The following RP1 variants were observed in gnomAD, a reference collection of about 807,000 sequenced individuals.
RP1 encodes the protein oxygen-regulated protein 1.
A neutral mutation model predicts 14.8 loss-of-function variants in RP1; 16 were observed. The observed-to-expected ratio is 1.08, with a 90% CI of 0.73 to 1.65. The LOEUF (loss-of-function observed/expected upper bound fraction) is 1.65, where lower values mean the gene tolerates loss of function less well. Among genes scored for constraint, RP1 ranks in the 40% most tolerant of loss-of-function variants. The pLI, the probability that RP1 is intolerant of heterozygous loss-of-function variation, is 0.00. For missense variants in RP1, 2,631 were observed against 2,535.0 expected (o/e 1.04, Z -0.81); for synonymous variants, 876 against 883.6 (o/e 0.99, Z 0.15).
chr8:54,603,635 G>T (rs1356341228), intron 1 of RP1, among the ~76,000 whole-genome samples: 3 of 152,126 alleles, frequency 2.0e-5, no homozygotes, highest in South Asian at 2.1e-4. Flanking sequence ...GAGCAGTGTG[G>T]CCATTTTCAC....
chr8:54,724,807 A>C (rs1234271831), intron 16 of RP1, among the ~76,000 whole-genome samples: 2 of 152,194 alleles, frequency 1.3e-5, no homozygotes, highest in Admixed American at 6.5e-5. Flanking sequence ...ACTGTGTTGT[A>C]TAAAGAGATA....
chr8:54,744,568 T>A (rs1010044666), intron 19 of RP1, among the ~76,000 whole-genome samples: 2 of 152,206 alleles, frequency 1.3e-5, no homozygotes, highest in African/African-American at 4.8e-5. Flanking sequence ...TAGAGTCACT[T>A]GATAAATACA....
At position 54,630,778 on chromosome 8, in the gene RP1, T is replaced by TA. The variant is rs1174978477; in HGVS notation, c.*426dup. 7.9e-5 allele frequency: 79 copies of TA among 1,002,870 alleles called. No individual in the cohort carries two copies. The highest frequency in any genetic ancestry group is 9.3e-5 in the Non-Finnish European group (78 of 840,384). The allele number at this position is 1,002,870 out of a possible 1,614,324, so 62.1% of individuals were successfully genotyped here. A position where few individuals can be genotyped will look rare whatever the true frequency, so the allele number is the denominator to read the frequency against. ...AAGTACTTCACTTATTCTTTTTAAC[T>TA]ACTGATTTGATAAAAAGTATGATTA... On this transcript the variant is annotated 3_prime_UTR_variant, in exon 4 of 4. Coordinates refer to ENST00000220676, the MANE Select transcript of RP1 (RefSeq NM_006269.2).
intron 1 of RP1, among the ~76,000 whole-genome samples, chr8:54,585,290 A>G (rs1289011843): frequency 1.3e-5 from 2 of 152,208 alleles, no homozygotes; most frequent in Admixed American, 1.3e-4. Context: ...TTCTGGGTTG[A>G]AAATTCTTTT....
intron 24 of RP1, among the ~76,000 whole-genome samples, chr8:54,784,148 G>A (rs189091151): frequency 6.6e-5 from 10 of 152,176 alleles, no homozygotes; most frequent in Admixed American, 3.3e-4. Flanking sequence ...TGGGCGAAAC[G>A]GTCAAATGGT....
intron 24 of RP1, among the ~76,000 whole-genome samples, chr8:54,800,220 C>G (rs1244149087): frequency 1.3e-5 from 2 of 151,848 alleles, no homozygotes; most frequent in Non-Finnish European, 2.9e-5. Context: ...TCTTATCCTT[C>G]CCTCTATTTA....
chr8:54,852,905 G>A (rs537878346), intron 26 of RP1, among the ~76,000 whole-genome samples: 15 of 152,236 alleles, frequency 9.9e-5, no homozygotes, highest in African/African-American at 2.9e-4. Flanking sequence ...GTAGAGGATG[G>A]GACTTAACTC....
intron 1 of RP1, among the ~76,000 whole-genome samples, chr8:54,618,859 C>T (rs2129313283): frequency 6.6e-6 from 1 of 152,308 alleles, no homozygotes; most frequent in East Asian, 1.9e-4. Flanking sequence ...TGAGATTTCA[C>T]CATGTTGGCC....
chr8:54,741,705 G>GTATATA (rs1473570105), intron 19 of RP1, among the ~76,000 whole-genome samples: 42 of 75,880 alleles, frequency 5.5e-4, no homozygotes, highest in African/African-American at 1.8e-3. Flanking sequence ...ACAAATGTGT[G>GTATATA]TGTATATATA....
At chr8:54,640,287 T>G (rs28437942) in intron 3 of RP1, among the ~76,000 whole-genome samples, 12,327 of 152,124 alleles carry the variant, frequency 0.081, 1,591 homozygotes, top group African/African-American at 0.27. Context: ...TGTGTAGGGG[T>G]GCATTTCTGC....
intron 21 of RP1, among the ~76,000 whole-genome samples, chr8:54,758,192 C>T (rs1809555669): frequency 6.6e-6 from 1 of 152,126 alleles, no homozygotes; most frequent in East Asian, 1.9e-4. Flanking sequence ...ATGATCCTTT[C>T]CTCAGATAAC....
intron 1 of RP1, among the ~76,000 whole-genome samples, chr8:54,564,542 G>A (rs1586385453): frequency 6.6e-6 from 1 of 152,316 alleles, no homozygotes; most frequent in East Asian, 1.9e-4. Flanking sequence ...CTTGGTGATT[G>A]TTTCAGTCCC....
At chr8:54,720,591 C>T (rs1808510864) in intron 16 of RP1, among the ~76,000 whole-genome samples, 1 of 152,088 alleles carries the variant, frequency 6.6e-6, no homozygotes, top group Non-Finnish European at 1.5e-5. Flanking sequence ...ATGTTTGAAT[C>T]TTTGTTTTTT....
At chr8:54,793,549 CTG>C (rs1490559532) in intron 24 of RP1, among the ~76,000 whole-genome samples, 1 of 151,928 alleles carries the variant, frequency 6.6e-6, no homozygotes, top group East Asian at 1.9e-4. Context: ...TTGTGATACA[CTG>C]TATTAACAGA....
chr8:54,696,450 A>G (rs1009846699), intron 12 of RP1: 49 of 831,912 alleles, frequency 5.9e-5, no homozygotes, highest in African/African-American at 3.4e-5. Flanking sequence ...AGTCTCCTGA[A>G]AAAGAGGAAA....
At chr8:54,656,571 T>G (rs980103655) in intron 6 of RP1, among the ~76,000 whole-genome samples, 8 of 152,092 alleles carry the variant, frequency 5.3e-5, no homozygotes, top group East Asian at 1.9e-4. Flanking sequence ...CTCTGCCTCA[T>G]TTTTGAAAAT....
At chr8:54,810,450 A>G (rs76467542) in intron 24 of RP1, among the ~76,000 whole-genome samples, 4,257 of 152,176 alleles carry the variant, frequency 0.028, 115 homozygotes, top group African/African-American at 0.061. Context: ...ATTGAATTTG[A>G]TTGTCAAAGT....
chr8:54,583,841 G>T (rs1305743741), intron 1 of RP1, among the ~76,000 whole-genome samples: 4 of 152,138 alleles, frequency 2.6e-5, no homozygotes, highest in Non-Finnish European at 5.9e-5. Context: ...GGGATCGGTG[G>T]TGATATCCCC....
chr8:54,731,076 G>A (rs965524755), intron 17 of RP1, among the ~76,000 whole-genome samples: 1 of 151,944 alleles, frequency 6.6e-6, no homozygotes, highest in African/African-American at 2.4e-5. Flanking sequence ...TCCTTTTATG[G>A]CCACACTCTG....
Sources: gnomAD v4.1 joint callset for allele counts (sites outside exome capture counted in the v4.1 genomes callset) on GRCh38, gnomAD v4.1.1 for gene constraint, MANE v1.5 for transcripts, NCBI Gene and HGNC (gene_info 2026-07-23, HGNC 2026-07-21) for gene names.